Variants in GRIA2 observed in about 807,000 individuals in gnomAD.
GRIA2 encodes glutamate receptor 2.
A neutral mutation model predicts 97.3 loss-of-function variants in GRIA2; 14 were observed. The ratio of observed to expected loss-of-function variants is 0.14; its 90% confidence interval spans 0.10 to 0.23. The LOEUF is 0.23. Among genes scored for constraint, GRIA2 ranks in the 10% least tolerant of loss-of-function variants. The pLI, the probability that GRIA2 is intolerant of heterozygous loss-of-function variation, is 1.00. For synonymous variants in GRIA2, 412 were observed against 387.8 expected, an observed-to-expected ratio of 1.06 and a Z score of -0.73; for missense variants, 558 against 1,069.8, an observed-to-expected ratio of 0.52 and a Z score of 6.67.
At chr4:157,225,525 G>T (rs1434863217) in intron 2 of GRIA2, among the ~76,000 whole-genome samples, 1 of 151,916 alleles carries the variant, frequency 6.6e-6, no homozygotes, top group Non-Finnish European at 1.5e-5. Flanking sequence ...GTTGAAACCA[G>T]GGATGGGTCC....
intron 2 of GRIA2, among the ~76,000 whole-genome samples, chr4:157,282,659 A>G (rs993015021): frequency 1.3e-5 from 2 of 152,090 alleles, no homozygotes; most frequent in African/African-American, 4.8e-5. Flanking sequence ...CCAGTTTGGT[A>G]GTACTAATTT....
chr4:157,220,673 TGCGC>T, upstream of GRIA2: 1 of 206,678 alleles, frequency 4.8e-6, no homozygotes, highest in East Asian at 1.2e-4. Context: ...TGTGTGTGTG[TGCGC>T]GCGCGCGTGA....
In GRIA2 at chr4:157,262,817, T is replaced by C. The variant is rs181183410; in HGVS notation, c.230-40735T>C. ...TAAGAGCAAAGTACCGAAGTCACCA[T>C]AAAAACTTCTTAGGGAAACCACTTT... On this transcript the variant is annotated intron_variant, in intron 2 of 15. Coordinates refer to ENST00000264426, the MANE Select transcript of GRIA2 (RefSeq NM_001083619.3). 1.4e-3 allele frequency among the ~76,000 whole-genome samples: 217 copies of C among 152,092 alleles called. 1 individual carries two copies. The highest frequency in any genetic ancestry group is 2.6e-4 in the Non-Finnish European group (18 of 67,950).
At chr4:157,243,599 G>A (rs1298159815) in intron 2 of GRIA2, among the ~76,000 whole-genome samples, 1 of 152,146 alleles carries the variant, frequency 6.6e-6, no homozygotes, top group Non-Finnish European at 1.5e-5. Flanking sequence ...CTCCTTTGAG[G>A]TGTCTAAGCA....
intron 12 of GRIA2, among the ~76,000 whole-genome samples, chr4:157,348,809 C>T (rs1735877088): frequency 1.3e-5 from 2 of 152,016 alleles, no homozygotes; most frequent in African/African-American, 4.8e-5. Flanking sequence ...TGAATATTTG[C>T]TTATATGAAT....
intron 2 of GRIA2, among the ~76,000 whole-genome samples, chr4:157,223,162 A>G (rs981117530): frequency 1.3e-5 from 2 of 152,164 alleles, no homozygotes; most frequent in Non-Finnish European, 2.9e-5. Context: ...TTAGTCATAT[A>G]TTCCGTGATT....
upstream of GRIA2, chr4:157,220,128 G>A (rs1729421546): frequency 6.6e-6 from 1 of 152,266 alleles, no homozygotes; most frequent in Admixed American, 6.5e-5. Flanking sequence ...TTGCTTGTTT[G>A]CTTTCGGCTG....
intron 5 of GRIA2, among the ~76,000 whole-genome samples, chr4:157,319,281 T>C (rs1443931443): frequency 2.6e-5 from 4 of 152,184 alleles, no homozygotes; most frequent in African/African-American, 9.7e-5. Context: ...AAAGCTGTGA[T>C]CTTTAAAAAT....
At chr4:157,246,807 G>A (rs1730752198) in intron 2 of GRIA2, among the ~76,000 whole-genome samples, 1 of 151,844 alleles carries the variant, frequency 6.6e-6, no homozygotes, top group Non-Finnish European at 1.5e-5. Context: ...TACTGTTTTT[G>A]GTTTTCGATC....
chr4:157,317,908 G>A (rs1029077600), intron 5 of GRIA2, among the ~76,000 whole-genome samples, 197 bp downstream of exon 5: 1 of 152,012 alleles, frequency 6.6e-6, no homozygotes, highest in African/African-American at 2.4e-5. Context: ...TCCAGAAGGC[G>A]GAGGTTGCAG....
intron 2 of GRIA2, among the ~76,000 whole-genome samples, chr4:157,285,459 CT>C (rs1220042564): frequency 6.6e-6 from 1 of 151,246 alleles, no homozygotes; most frequent in African/African-American, 2.4e-5. Context: ...CTTACACTAC[CT>C]TTTCCTATAT....
rs34909207 is a variant in GRIA2, at chr4:157,321,506, G to A, written c.789G>A (p.Val263=). 967 of 1,606,214 alleles carry A rather than the reference G, an allele frequency of 6.0e-4. 1 individual carries two copies. Among genetic ancestry groups the A allele is most frequent in the Admixed American group, 1.0e-3 (60 of 60,006 alleles). The change falls in exon 6 of 16, where the codon GTG becomes GTA. Residue 263 remains valine, a synonymous_variant. Coordinates refer to ENST00000264426, the MANE Select transcript of GRIA2 (RefSeq NM_001083619.3). ...CAAATGTCTCTGGATTTCAGATAGT[G>A]GACTATGATGATTCGTTGGTATCTA... ...GGANVSGFQI[V]DYDDSLVSKF...
At chr4:157,252,339 T>C (rs1162884926) in intron 2 of GRIA2, among the ~76,000 whole-genome samples, 3 of 152,160 alleles carry the variant, frequency 2.0e-5, no homozygotes, top group Non-Finnish European at 4.4e-5. Context: ...GAATGACTGA[T>C]GAACTAGGGT....
intron 2 of GRIA2, among the ~76,000 whole-genome samples, chr4:157,275,347 T>C (rs1298598892): frequency 2.0e-5 from 3 of 152,226 alleles, no homozygotes; most frequent in African/African-American, 4.8e-5. Context: ...TGGTTTCTTT[T>C]GCTGTGCAGA....
At chr4:157,252,303 G>C (rs952205968) in intron 2 of GRIA2, among the ~76,000 whole-genome samples, 1 of 152,116 alleles carries the variant, frequency 6.6e-6, no homozygotes, top group Non-Finnish European at 1.5e-5. Context: ...CCACTCTTCT[G>C]TCATAGGCCA....
intron 2 of GRIA2, among the ~76,000 whole-genome samples, chr4:157,266,326 A>C (rs1731767708): frequency 6.6e-6 from 1 of 152,124 alleles, no homozygotes; most frequent in African/African-American, 2.4e-5. Flanking sequence ...GTGGTTTAGA[A>C]AGAATAGTAT....
intron 6 of GRIA2, among the ~76,000 whole-genome samples, chr4:157,330,187 A>G (rs1367019495): frequency 6.6e-6 from 1 of 151,954 alleles, no homozygotes; most frequent in Non-Finnish European, 1.5e-5. Context: ...AACCTTAGAC[A>G]ATAATACTTT....
intron 2 of GRIA2, among the ~76,000 whole-genome samples, chr4:157,254,446 C>T (rs553061344): frequency 6.6e-6 from 1 of 152,138 alleles, no homozygotes; most frequent in East Asian, 1.9e-4. Context: ...GAAAATGTTT[C>T]TGCTTCATGT....
At chr4:157,286,170 C>G (rs548139021) in intron 2 of GRIA2, among the ~76,000 whole-genome samples, 2 of 151,472 alleles carry the variant, frequency 1.3e-5, no homozygotes, top group East Asian at 3.9e-4. Context: ...ATCATTATCT[C>G]ATTTTTACAG....
Sources: allele counts gnomAD v4.1 joint callset (sites outside exome capture counted in the v4.1 genomes callset), GRCh38; gene constraint gnomAD v4.1.1; transcripts MANE v1.5; gene names NCBI Gene and HGNC (gene_info 2026-07-23, HGNC 2026-07-21).